Variants in NUDT2 observed in about 807,000 individuals in gnomAD.
NUDT2 encodes bis(5'-nucleosyl)-tetraphosphatase [asymmetrical].
A neutral mutation model predicts 14.2 loss-of-function variants in NUDT2; 12 were observed. The ratio of observed to expected loss-of-function variants is 0.84; its 90% CI spans 0.54 to 1.37. NUDT2 has a LOEUF of 1.37. Among genes scored for constraint, NUDT2 ranks in the 40% most tolerant of loss-of-function variants. The probability of loss-of-function intolerance (pLI) is 0.00; values close to 1 mark genes in which losing one functional copy is unlikely to be tolerated. For missense variants in NUDT2, 167 were observed against 176.7 expected (o/e 0.95, Z 0.31); for synonymous variants, 67 against 67.4 (o/e 0.99, Z 0.03).
intron 4 of NUDT2, among the ~76,000 whole-genome samples, chr9:34,342,308 C>T (rs1413449550): frequency 6.6e-6 from 1 of 152,220 alleles, no homozygotes; most frequent in Non-Finnish European, 1.5e-5. Flanking sequence ...GGTTTTGAGC[C>T]TGTTGGCCCT....
At position 34,343,259 on chromosome 9, in the gene NUDT2, C is replaced by G; in HGVS notation, c.263C>G (p.Pro88Arg). 6.2e-7 allele frequency: 1 copy of G among 1,614,044 alleles called. No homozygotes were observed. The highest frequency in any genetic ancestry group is 8.5e-7 in the Non-Finnish European group (1 of 1,180,026). The change falls in exon 5 of 5, where the codon CCT becomes CGT. Residue 88 changes from proline to arginine, a missense_variant. Pro to Arg is a moderately radical substitution (Grantham distance 103). Transcript: ENST00000379158. The part of the protein sequence containing the change: ...RELNYVARNK[P>R]KTVIYWLAEV... ...CTCAATTATGTGGCCAGGAACAAGCCTAAAACAGTCATTTACTGGCTGGCG... is the reference window on the plus strand; with the variant it reads ...CTCAATTATGTGGCCAGGAACAAGCGTAAAACAGTCATTTACTGGCTGGCG...
At chr9:34,339,264 G>A (rs1475721534) in intron 4 of NUDT2, 98 bp downstream of exon 4, 3 of 1,451,080 alleles carry the variant, frequency 2.1e-6, no homozygotes, top group Middle Eastern at 2.5e-4. Flanking sequence ...CAGTGACTGT[G>A]TAGCAAAAAG....
chr9:34,336,925 A>G (rs770744258), intron 2 of NUDT2, among the ~76,000 whole-genome samples: 8 of 147,374 alleles, frequency 5.4e-5, no homozygotes, highest in Non-Finnish European at 9.0e-5. Context: ...ATATTGATGG[A>G]TATTTGTTTC....
intron 2 of NUDT2, among the ~76,000 whole-genome samples, chr9:34,338,156 TAAAAAA>T (rs74180557): frequency 1.9e-4 from 6 of 31,042 alleles, no homozygotes; most frequent in Admixed American, 5.1e-4. Context: ...CCCTGTTTCT[TAAAAAA>T]AAAAAAAAAA....
chr9:34,338,365 G>T (rs1185637559), intron 2 of NUDT2, among the ~76,000 whole-genome samples: 1 of 108,438 alleles, frequency 9.2e-6, no homozygotes, highest in Non-Finnish European at 1.9e-5. Context: ...AAATTGGCCA[G>T]GCATGGTGGT....
intron 1 of NUDT2, among the ~76,000 whole-genome samples, chr9:34,332,330 G>A (rs1415415825): frequency 1.3e-5 from 2 of 152,164 alleles, no homozygotes; most frequent in Non-Finnish European, 1.5e-5. Flanking sequence ...GGGGTACCTT[G>A]TTAACCTAAA....
intron 4 of NUDT2, among the ~76,000 whole-genome samples, chr9:34,341,060 G>T (rs777006181): frequency 1.4e-4 from 22 of 152,256 alleles, no homozygotes; most frequent in Middle Eastern, 3.4e-3. Flanking sequence ...AATGGGAACA[G>T]GAAATAAATT....
At chr9:34,335,895 C>T (rs1373586463) in intron 1 of NUDT2, among the ~76,000 whole-genome samples, 1 of 152,108 alleles carries the variant, frequency 6.6e-6, no homozygotes, top group African/African-American at 2.4e-5. Flanking sequence ...TGTGGCTAAC[C>T]CAGGCTTGTC....
chr9:34,338,706 G>T lies in NUDT2; in HGVS notation c.-151-7G>T. 1 of 179,066 alleles carries T rather than the reference G, an allele frequency of 5.6e-6. No homozygotes were observed. Among genetic ancestry groups the T allele is most frequent in the Non-Finnish European group, 1.2e-5 (1 of 84,374 alleles). 11.1% of individuals were successfully genotyped at this position (179,066 alleles called of 1,614,324 possible). A position where few individuals can be genotyped will look rare whatever the true frequency, so the allele number is the denominator to read the frequency against. On this transcript the variant is annotated splice_polypyrimidine_tract_variant and splice_region_variant and intron_variant, in intron 2 of 4. Transcript: ENST00000379158. ...CTCTCCCATTCCCAACATCTCTCTTGTTTCAGTGCGTTTGCTTCTGAGGAT... is the reference window on the plus strand; with the variant it reads ...CTCTCCCATTCCCAACATCTCTCTTTTTTCAGTGCGTTTGCTTCTGAGGAT...
chr9:34,331,021 G>C (rs1463348540), intron 1 of NUDT2, among the ~76,000 whole-genome samples: 1 of 152,160 alleles, frequency 6.6e-6, no homozygotes. Context: ...TAGTCAGTGC[G>C]TTGGTGTACT....
chr9:34,341,180 A>G (rs1820172484), intron 4 of NUDT2, among the ~76,000 whole-genome samples: 1 of 152,242 alleles, frequency 6.6e-6, no homozygotes, highest in African/African-American at 2.4e-5. Flanking sequence ...CATGAGTCAC[A>G]CTGCCTTGTT....
At chr9:34,336,826 G>A (rs1489448588) in intron 2 of NUDT2, among the ~76,000 whole-genome samples, 1 of 151,924 alleles carries the variant, frequency 6.6e-6, no homozygotes, top group Non-Finnish European at 1.5e-5. Flanking sequence ...TTAAAGGCTC[G>A]AGCCACTGAA....
At chr9:34,340,111 T>G (rs1349185925) in intron 4 of NUDT2, among the ~76,000 whole-genome samples, 3 of 152,038 alleles carry the variant, frequency 2.0e-5, no homozygotes, top group South Asian at 4.1e-4. Flanking sequence ...ATTTTTTGTA[T>G]TTTTAGTAGA....
chr9:34,342,027 TG>T (rs199971684), intron 4 of NUDT2, among the ~76,000 whole-genome samples: 1,773 of 152,304 alleles, frequency 0.012, 14 homozygotes, highest in Non-Finnish European at 0.018. Flanking sequence ...GCTGAAGATT[TG>T]TGGGAGGGGA....
chr9:34,334,455 G>A (rs555621408), intron 1 of NUDT2, among the ~76,000 whole-genome samples: 1 of 152,124 alleles, frequency 6.6e-6, no homozygotes, highest in Non-Finnish European at 1.5e-5. Flanking sequence ...AACCCCCTGA[G>A]GTTTGAATCC....
Position 34,338,379 on chromosome 9 carries a change from AT to A in NUDT2, c.-151-333del, listed in dbSNP as rs372484824. ...AAAATTGGCCAGGCATGGTGGTGGC[AT>A]GCCTGTAGTCCCAGCTACTTGAGAG... On this transcript the variant is annotated intron_variant, in intron 2 of 4. Transcript: ENST00000379158. Among the ~76,000 whole-genome samples the A allele has an allele frequency of 3.0e-3, 406 of 137,326 alleles. 5 individuals carry two copies. Among genetic ancestry groups the A allele is most frequent in the African/African-American group, 0.01 (375 of 37,212 alleles). 90.1% of individuals were successfully genotyped at this position (137,326 alleles called of 152,430 possible).
intron 1 of NUDT2, among the ~76,000 whole-genome samples, chr9:34,332,413 A>G (rs1444125172): frequency 6.6e-6 from 1 of 152,156 alleles, no homozygotes; most frequent in Non-Finnish European, 1.5e-5. Context: ...AATGTCTTCC[A>G]CTTTCACTAG....
At position 34,339,084 on chromosome 9, in the gene NUDT2, C is replaced by T. The variant is rs763844219; in HGVS notation, c.45C>T (p.Leu15=). The T allele has an allele frequency of 7.4e-6, 12 of 1,613,972 alleles. No homozygotes were observed. The African/African-American group carries it at 1.1e-4, about 14-fold the overall frequency. ...GCTTGATCATCTTCCGAAGATGCCT[C>T]ATTCCCAAAGTGGACAACAATGCAA... ...ACGLIIFRRC[L]IPKVDNNAIE... The change falls in exon 4 of 5, where the codon CTC becomes CTT. Residue 15 remains leucine (L), a synonymous_variant. Coordinates refer to ENST00000379158, the MANE Select transcript of NUDT2 (RefSeq NM_001161.5).
rs570087117 is a variant in NUDT2 at position 34,340,631 on chromosome 9, C to T, written c.127+1465C>T. On this transcript the variant is annotated intron_variant, in intron 4 of 4. Transcript: ENST00000379158. ...TTTCATCCACCAGCACTCCTGACCTCACCTCTAAGAGTAAGAAAGCTGCAG... is the reference window on the plus strand; with the variant it reads ...TTTCATCCACCAGCACTCCTGACCTTACCTCTAAGAGTAAGAAAGCTGCAG... Among the ~76,000 whole-genome samples the T allele has an allele frequency of 5.8e-4, 89 of 152,306 alleles. 1 individual carries two copies. The highest frequency in any genetic ancestry group is 1.5e-3 in the Admixed American group (23 of 15,300).
Sources: allele counts gnomAD v4.1 joint callset (sites outside exome capture counted in the v4.1 genomes callset), GRCh38; gene constraint gnomAD v4.1.1; transcripts MANE v1.5; gene names NCBI Gene and HGNC (gene_info 2026-07-23, HGNC 2026-07-21).